The following DYRK1A variants were observed in gnomAD, a reference collection of about 807,000 sequenced individuals.
DYRK1A encodes dual specificity tyrosine-phosphorylation-regulated kinase 1A.
In DYRK1A, 9 loss-of-function variants were observed where a neutral mutation model predicts 79.7. The ratio of observed to expected loss-of-function variants is 0.11; its 90% CI spans 0.07 to 0.20. The LOEUF is 0.20. DYRK1A is among the 10% of genes least tolerant of loss of function. DYRK1A has a pLI of 1.00. For missense variants in DYRK1A, 622 were observed against 956.0 expected, an observed-to-expected ratio of 0.65 and a Z score of 4.61; for synonymous variants, 349 against 329.7, an observed-to-expected ratio of 1.06 and a Z score of -0.63.
intron 1 of DYRK1A, among the ~76,000 whole-genome samples, chr21:37,394,769 A>G (rs891955105): frequency 6.6e-6 from 1 of 152,228 alleles, no homozygotes; most frequent in Non-Finnish European, 1.5e-5. Flanking sequence ...GTCTTCCACA[A>G]AAGTAGTCCC....
chr21:37,420,454 T>C, intron 2 of DYRK1A, 70 bp downstream of exon 2: 3 of 1,513,440 alleles, frequency 2.0e-6, no homozygotes, highest in East Asian at 2.3e-5. Context: ...CTATTTTGAA[T>C]GGGGGAGGTT....
At chr21:37,453,198 A>C (rs2051516495) in intron 2 of DYRK1A, among the ~76,000 whole-genome samples, 1 of 152,224 alleles carries the variant, frequency 6.6e-6, no homozygotes, top group Admixed American at 6.5e-5. Context: ...CTATTATTTC[A>C]ATTTATAATA....
At chr21:37,464,194 G>A in intron 2 of DYRK1A, 1 of 416,136 alleles carries the variant, frequency 2.4e-6, no homozygotes, top group Non-Finnish European at 4.7e-6. Context: ...TGTTTCCTCT[G>A]TGTTTACCAC....
chr21:37,490,695 A>T (rs991075188), intron 7 of DYRK1A, among the ~76,000 whole-genome samples: 1 of 151,800 alleles, frequency 6.6e-6, no homozygotes, highest in East Asian at 1.9e-4. Context: ...TTTAAAATGT[A>T]GCACTTAATT....
intron 1 of DYRK1A, among the ~76,000 whole-genome samples, chr21:37,394,238 T>C (rs905936807): frequency 2.7e-5 from 4 of 147,226 alleles, no homozygotes; most frequent in Non-Finnish European, 3.0e-5. Context: ...TTTTTTTTTT[T>C]CTAATTTTTT....
chr21:37,448,243 TC>T (rs2051333825), intron 2 of DYRK1A, among the ~76,000 whole-genome samples: 1 of 152,232 alleles, frequency 6.6e-6, no homozygotes, highest in African/African-American at 2.4e-5. Context: ...ACATTGTTTT[TC>T]TAAATAGTTT....
chr21:37,491,662 T>C (rs2053100778), intron 7 of DYRK1A, among the ~76,000 whole-genome samples: 1 of 152,210 alleles, frequency 6.6e-6, no homozygotes, highest in Non-Finnish European at 1.5e-5. Context: ...TTTGCAGTTT[T>C]AGATGCCTTC....
At chr21:37,493,221 T>C (rs764933151) in intron 8 of DYRK1A, 58 bp downstream of exon 8, 21 of 1,513,720 alleles carry the variant, frequency 1.4e-5, no homozygotes, top group Non-Finnish European at 1.9e-5. Context: ...GTCTTTCATC[T>C]GTGACAGTGT....
In DYRK1A at chr21:37,517,128, A is replaced by T. The variant is rs1158332057; in HGVS notation, c.*4597A>T. ...AAACCGGCTTCCCTTCGCTTTTACC[A>T]GGTAGCCTGGTTCAGTCCCAGCTGG... On this transcript the variant is annotated 3_prime_UTR_variant, in exon 12 of 12. Coordinates refer to ENST00000647188, the MANE Select transcript of DYRK1A (RefSeq NM_001347721.2). 6.6e-6 allele frequency: 1 copy of T among 152,238 alleles called. No individual in the cohort carries two copies. Among genetic ancestry groups the T allele is most frequent in the African/African-American group, 2.4e-5 (1 of 41,458 alleles). 9.4% of individuals were successfully genotyped at this position (152,238 alleles called of 1,614,324 possible). A position where few individuals can be genotyped will look rare whatever the true frequency, so the allele number is the denominator to read the frequency against.
chr21:37,500,166 CT>C (rs144358369), intron 9 of DYRK1A, among the ~76,000 whole-genome samples: 3,074 of 152,246 alleles, frequency 0.02, 38 homozygotes, highest in Non-Finnish European at 0.027. Flanking sequence ...GTTTTTTCAA[CT>C]GTATGTCTTT....
intron 2 of DYRK1A, among the ~76,000 whole-genome samples, chr21:37,432,974 TAAA>T (rs1301962561): frequency 2.6e-5 from 3 of 114,934 alleles, no homozygotes; most frequent in Admixed American, 9.0e-5. Context: ...AAACTCCATC[TAAA>T]AAAAAAAAAA....
At chr21:37,437,992 T>C (rs777560580) in intron 2 of DYRK1A, among the ~76,000 whole-genome samples, 1 of 152,204 alleles carries the variant, frequency 6.6e-6, no homozygotes, top group Non-Finnish European at 1.5e-5. Flanking sequence ...TTCAGTTGCT[T>C]CACATTTTGC....
chr21:37,524,720 G>A lies in DYRK1A; in HGVS notation c.*12189G>A, dbSNP rs1160890438. On this transcript the variant is annotated 3_prime_UTR_variant, in exon 12 of 12. Coordinates refer to ENST00000647188, the MANE Select transcript of DYRK1A (RefSeq NM_001347721.2). ...TCCGCTATTGCTCTTTATTTGAGGA[G>A]CCAGTACCAAGTTGGAAGTAACTGA... The A allele has an allele frequency of 6.6e-6, 1 of 152,250 alleles. No homozygotes were observed. Among genetic ancestry groups the A allele is most frequent in the African/African-American group, 2.4e-5 (1 of 41,472 alleles). 9.4% of individuals were successfully genotyped at this position (152,250 alleles called of 1,614,324 possible).
intron 1 of DYRK1A, among the ~76,000 whole-genome samples, chr21:37,405,023 C>T (rs1205743812): frequency 1.3e-5 from 2 of 152,096 alleles, no homozygotes; most frequent in African/African-American, 4.8e-5. Context: ...TCAGAAAGTA[C>T]AGAATCTAAG....
At chr21:37,377,388 G>A (rs1286020106) in intron 1 of DYRK1A, among the ~76,000 whole-genome samples, 1 of 152,030 alleles carries the variant, frequency 6.6e-6, no homozygotes, top group Non-Finnish European at 1.5e-5. Flanking sequence ...CAAAGTGCTG[G>A]GATTACAGGC....
intron 2 of DYRK1A, among the ~76,000 whole-genome samples, chr21:37,426,729 T>G (rs2050629678): frequency 6.9e-6 from 1 of 144,064 alleles, no homozygotes; most frequent in Admixed American, 7.0e-5. Flanking sequence ...GCTAACATGG[T>G]GAAACCCCGT....
Position 37,406,066 on chromosome 21 carries a change from G to T in DYRK1A, c.-76-14233G>T, listed in dbSNP as rs187036403. 2.0e-5 allele frequency among the ~76,000 whole-genome samples: 3 copies of T among 151,734 alleles called. No homozygotes were observed. In the East Asian group the frequency reaches 5.8e-4, roughly 29 times the overall value. On this transcript the variant is annotated intron_variant, in intron 1 of 11. Transcript: ENST00000647188. ...ATATTTATTTCTTAAAAATTTCAGGGGACGTCCCAGTGTTAGCCACTTCTT... is the reference window on the plus strand; with the variant it reads ...ATATTTATTTCTTAAAAATTTCAGGTGACGTCCCAGTGTTAGCCACTTCTT...
intron 2 of DYRK1A, chr21:37,464,281 C>T (rs761471215): frequency 2.0e-5 from 10 of 498,686 alleles, no homozygotes; most frequent in Non-Finnish European, 3.6e-5. Context: ...CAGTGCTGAT[C>T]CATACTGGTA....
At chr21:37,494,138 C>T (rs2053185936) in intron 8 of DYRK1A, among the ~76,000 whole-genome samples, 2 of 151,868 alleles carry the variant, frequency 1.3e-5, no homozygotes, top group African/African-American at 2.4e-5. Context: ...GTGGTCTGCC[C>T]GTCTCAGCCT....
Sources: allele counts gnomAD v4.1 joint callset (sites outside exome capture counted in the v4.1 genomes callset), GRCh38; gene constraint gnomAD v4.1.1; transcripts MANE v1.5; gene names NCBI Gene and HGNC (gene_info 2026-07-23, HGNC 2026-07-21).